DAB1: variants seen among roughly 807,000 people sequenced by gnomAD.
The protein encoded by DAB1 is DAB adaptor protein 1.
A neutral mutation model predicts 64.6 loss-of-function variants in DAB1; 15 were observed. The observed-to-expected ratio is 0.23, with a 90% confidence interval of 0.16 to 0.36. DAB1 has a LOEUF of 0.36. DAB1 is among the 10% of genes least tolerant of loss of function. The pLI is 1.00. For synonymous variants in DAB1, 235 were observed against 251.9 expected, an observed-to-expected ratio of 0.93 and a Z score of 0.64; for missense variants, 596 against 706.7, an observed-to-expected ratio of 0.84 and a Z score of 1.78.
At chr1:57,292,307 G>A (rs1330220364) in intron 1 of DAB1, among the ~76,000 whole-genome samples, 1 of 152,066 alleles carries the variant, frequency 6.6e-6, no homozygotes, top group East Asian at 1.9e-4. Flanking sequence ...TCAATATGAG[G>A]AAATTCCCAC....
chr1:57,688,786 C>T (rs114351559), intron 6 of DAB1, among the ~76,000 whole-genome samples: 1,787 of 152,232 alleles, frequency 0.012, 36 homozygotes, highest in African/African-American at 0.041. Flanking sequence ...CAGCTAGTGA[C>T]CCTGTTCCTA....
intron 3 of DAB1, among the ~76,000 whole-genome samples, chr1:58,405,228 C>T (rs562352881): frequency 6.6e-6 from 1 of 152,138 alleles, no homozygotes; most frequent in Non-Finnish European, 1.5e-5. Context: ...GCTGGTTCCT[C>T]ATCATGGGGG....
intron 11 of DAB1, among the ~76,000 whole-genome samples, chr1:57,022,495 C>T (rs961991264): frequency 1.3e-5 from 2 of 152,200 alleles, no homozygotes; most frequent in African/African-American, 4.8e-5. Flanking sequence ...TTACCAACCT[C>T]TATTGCTTCT....
chr1:58,302,251 T>C (rs1366762491), intron 4 of DAB1, among the ~76,000 whole-genome samples: 2 of 152,052 alleles, frequency 1.3e-5, no homozygotes, highest in African/African-American at 4.8e-5. Flanking sequence ...CTCAGTATAG[T>C]CCAAGAAAAT....
intron 6 of DAB1, among the ~76,000 whole-genome samples, chr1:57,748,891 G>A (rs547415020): frequency 7.2e-5 from 11 of 152,284 alleles, no homozygotes; most frequent in South Asian, 6.2e-4. Context: ...CAAGCCATGC[G>A]TACGATGAAA....
chr1:57,343,756 G>A lies in DAB1; in HGVS notation c.-136-52590C>T, dbSNP rs570016742. Among the ~76,000 whole-genome samples the A allele has an allele frequency of 1.5e-4, 23 of 152,266 alleles. No individual in the cohort carries two copies. In the South Asian group the frequency reaches 2.9e-3, roughly 19 times the overall value. On this transcript the variant is annotated intron_variant, in intron 1 of 14. Transcript: ENST00000371236. ...AGAACTCGCGCTGGCCCGCAAGCAC[G>A]GTGTGCAGCCCCGGTTCCCACCGAC...
chr1:57,012,287 T>C (rs1646289406), intron 12 of DAB1, among the ~76,000 whole-genome samples: 1 of 152,248 alleles, frequency 6.6e-6, no homozygotes, highest in South Asian at 2.1e-4. Flanking sequence ...TCCTAACTTA[T>C]TATTTATAAT....
intron 5 of DAB1, among the ~76,000 whole-genome samples, chr1:58,055,623 C>T (rs1335635652): frequency 6.6e-6 from 1 of 152,206 alleles, no homozygotes; most frequent in Non-Finnish European, 1.5e-5. Context: ...CAGTGATGGA[C>T]ATATGCTAGA....
At chr1:57,277,950 A>G (rs1391695390) in intron 2 of DAB1, among the ~76,000 whole-genome samples, 1 of 152,214 alleles carries the variant, frequency 6.6e-6, no homozygotes, top group African/African-American at 2.4e-5. Context: ...CCAGCCAGGG[A>G]AAGCTGAAAG....
At chr1:57,934,063 T>TTTTG (rs559271438) in intron 5 of DAB1, among the ~76,000 whole-genome samples, 1 of 128,052 alleles carries the variant, frequency 7.8e-6, no homozygotes, top group Non-Finnish European at 1.6e-5. Flanking sequence ...GCCCAGCTAA[T>TTTTG]TGTGTGTGTG....
chr1:57,570,737 G>A (rs575219492), intron 7 of DAB1, among the ~76,000 whole-genome samples: 5 of 152,248 alleles, frequency 3.3e-5, no homozygotes, highest in African/African-American at 4.8e-5. Flanking sequence ...TGTGAAGAAC[G>A]ATGATGGTAT....
intron 7 of DAB1, among the ~76,000 whole-genome samples, chr1:57,623,658 C>A (rs1645888295): frequency 6.6e-6 from 1 of 152,124 alleles, no homozygotes; most frequent in Non-Finnish European, 1.5e-5. Context: ...ACAGAATAAA[C>A]AAGGCCTGCA....
chr1:57,637,149 T>C (rs1438609935), intron 7 of DAB1, among the ~76,000 whole-genome samples: 1 of 152,216 alleles, frequency 6.6e-6, no homozygotes. Flanking sequence ...TATCTACTAA[T>C]ACTTTACATA....
intron 4 of DAB1, among the ~76,000 whole-genome samples, chr1:58,158,892 G>A (rs1655362998): frequency 6.6e-6 from 1 of 152,192 alleles, no homozygotes. Context: ...GCACGCACGG[G>A]TGAGAAACCC....
intron 2 of DAB1, among the ~76,000 whole-genome samples, chr1:57,289,117 C>T (rs1672565552): frequency 6.6e-6 from 1 of 152,128 alleles, no homozygotes; most frequent in Non-Finnish European, 1.5e-5. Context: ...TTTTTTAGGA[C>T]ATGAAGATGA....
At chr1:58,290,796 C>G (rs1661804807) in intron 4 of DAB1, among the ~76,000 whole-genome samples, 1 of 152,150 alleles carries the variant, frequency 6.6e-6, no homozygotes, top group African/African-American at 2.4e-5. Context: ...CTGCCTGCTG[C>G]TGCAAGTTAG....
At chr1:58,514,951 T>A (rs1350501937) in intron 2 of DAB1, among the ~76,000 whole-genome samples, 2 of 152,280 alleles carry the variant, frequency 1.3e-5, no homozygotes, top group East Asian at 3.9e-4. Flanking sequence ...AGGGTTGTTA[T>A]GAAGATCAAA....
chr1:57,095,607 C>T (rs1654087942), intron 4 of DAB1, among the ~76,000 whole-genome samples: 1 of 152,162 alleles, frequency 6.6e-6, no homozygotes, highest in South Asian at 2.1e-4. Flanking sequence ...ATGGCTGGCA[C>T]AGTGTAAGCA....
chr1:57,953,773 C>T (rs1645327308), intron 5 of DAB1, among the ~76,000 whole-genome samples: 1 of 152,120 alleles, frequency 6.6e-6, no homozygotes, highest in South Asian at 2.1e-4. Context: ...GTTAGCCCCT[C>T]CCTATTTATC....
Sources: gnomAD v4.1 joint callset for allele counts (sites outside exome capture counted in the v4.1 genomes callset) on GRCh38, gnomAD v4.1.1 for gene constraint, MANE v1.5 for transcripts, NCBI Gene and HGNC (gene_info 2026-07-23, HGNC 2026-07-21) for gene names.